Variants in PRRG1 observed in about 807,000 individuals in gnomAD.
PRRG1 encodes proline rich and Gla domain 1, also known as transmembrane gamma-carboxyglutamic acid protein 1.
In PRRG1, 5 loss-of-function variants were observed where a neutral mutation model predicts 11.8. The observed-to-expected ratio is 0.42, with a 90% confidence interval of 0.22 to 0.89. The LOEUF (loss-of-function observed/expected upper bound fraction) is 0.89. PRRG1 is among the 40% of genes least tolerant of loss of function. The pLI is 0.28. For missense variants in PRRG1, 155 were observed against 166.1 expected, an observed-to-expected ratio of 0.93 and a Z score of 0.37; for synonymous variants, 66 against 60.4, an observed-to-expected ratio of 1.09 and a Z score of -0.43.
chrX:37,422,404 G>A (rs1932686146), intron 2 of PRRG1, among the ~76,000 whole-genome samples: 1 of 111,685 alleles, frequency 9.0e-6, no homozygotes, highest in Non-Finnish European at 1.9e-5. Flanking sequence ...ACTGTATTTT[G>A]AGAGGAAGAT....
intron 1 of PRRG1, among the ~76,000 whole-genome samples, chrX:37,391,749 A>G (rs1466590196): frequency 8.9e-6 from 1 of 112,116 alleles, no homozygotes; most frequent in Non-Finnish European, 1.9e-5. Context: ...TTTATAGGGC[A>G]TCTAGATTGT....
At chrX:37,373,886 A>G (rs1036623585) in intron 1 of PRRG1, among the ~76,000 whole-genome samples, 12 of 111,802 alleles carry the variant, frequency 1.1e-4, no homozygotes, top group African/African-American at 3.9e-4. Context: ...ACTTTTCATC[A>G]CTGAGTATGC....
intron 1 of PRRG1, among the ~76,000 whole-genome samples, chrX:37,383,271 C>CA (rs782664578): frequency 1.8e-5 from 2 of 111,590 alleles, no homozygotes; most frequent in Admixed American, 9.4e-5. Flanking sequence ...TTTGTTGAGA[C>CA]AAATTTCCTT....
intron 2 of PRRG1, among the ~76,000 whole-genome samples, chrX:37,415,137 G>A (rs931449216): frequency 9.8e-5 from 11 of 112,221 alleles, no homozygotes; most frequent in African/African-American, 3.6e-4. Flanking sequence ...AGCCAGACGC[G>A]GTGGCTCACG....
intron 2 of PRRG1, among the ~76,000 whole-genome samples, chrX:37,422,955 A>C (rs1376052663): frequency 9.0e-6 from 1 of 111,326 alleles, no homozygotes; most frequent in Non-Finnish European, 1.9e-5. Context: ...ATGAAAAAAA[A>C]TTAACTATAA....
At chrX:37,427,281 T>A (rs1316515709) in intron 3 of PRRG1, among the ~76,000 whole-genome samples, 24 of 111,995 alleles carry the variant, frequency 2.1e-4, no homozygotes, top group African/African-American at 7.1e-4. Flanking sequence ...ACAAAAAAAA[T>A]TTATTGAGTT....
At chrX:37,448,805 A>C (rs1222891791) in intron 3 of PRRG1, among the ~76,000 whole-genome samples, 1 of 111,587 alleles carries the variant, frequency 9.0e-6, no homozygotes, top group East Asian at 2.8e-4. Context: ...CTTTTAAGAT[A>C]CTTTTTAAAG....
chrX:37,406,951 C>T (rs1001206092), intron 2 of PRRG1, among the ~76,000 whole-genome samples: 6 of 111,893 alleles, frequency 5.4e-5, no homozygotes, highest in African/African-American at 1.9e-4. Flanking sequence ...AGGTTGAGGA[C>T]GGACTCCAAA....
chrX:37,383,463 T>C (rs1239838050), intron 1 of PRRG1, among the ~76,000 whole-genome samples: 1 of 111,398 alleles, frequency 9.0e-6, no homozygotes, highest in South Asian at 3.7e-4. Context: ...TAATGTGATA[T>C]TCTTAAACAT....
intron 1 of PRRG1, among the ~76,000 whole-genome samples, chrX:37,374,753 T>C (rs1930882753): frequency 8.9e-6 from 1 of 111,828 alleles, no homozygotes; most frequent in Non-Finnish European, 1.9e-5. Flanking sequence ...CCTTTATTTC[T>C]CTGCTGAGGC....
chrX:37,379,442 A>T (rs782701792), intron 1 of PRRG1, among the ~76,000 whole-genome samples: 1 of 110,827 alleles, frequency 9.0e-6, no homozygotes. Flanking sequence ...ACATAGGTAG[A>T]TATATGTTTA....
intron 2 of PRRG1, among the ~76,000 whole-genome samples, chrX:37,422,419 C>T (rs1315777054): frequency 9.0e-6 from 1 of 111,587 alleles, no homozygotes; most frequent in African/African-American, 3.3e-5. Flanking sequence ...GAAGATGATG[C>T]AGACTCAAAT....
chrX:37,444,265 T>C (rs782205662), intron 3 of PRRG1, among the ~76,000 whole-genome samples: 1 of 111,767 alleles, frequency 8.9e-6, no homozygotes, highest in South Asian at 3.8e-4. Context: ...CTCCTAGATA[T>C]GAGGAAGAAC....
chrX:37,376,551 G>GTGTATATATATATATATATATATATA (rs1556372318), intron 1 of PRRG1, among the ~76,000 whole-genome samples: 9 of 26,924 alleles, frequency 3.3e-4, no homozygotes, highest in South Asian at 2.5e-3. Flanking sequence ...AAATGTGAGT[G>GTGTATATATATATATATATATATATA]TATATATATA....
chrX:37,412,424 C>G (rs1053359197), intron 2 of PRRG1, among the ~76,000 whole-genome samples: 10 of 110,103 alleles, frequency 9.1e-5, no homozygotes, highest in Non-Finnish European at 1.1e-4. Context: ...CTGACAAGCC[C>G]TGTAAAGTAA....
chrX:37,387,655 A>G (rs1416437473), intron 1 of PRRG1, among the ~76,000 whole-genome samples: 1 of 111,326 alleles, frequency 9.0e-6, no homozygotes, highest in Non-Finnish European at 1.9e-5. Flanking sequence ...AACTGACCCC[A>G]TGATCCAATC....
chrX:37,388,701 G>A (rs1931418014), intron 1 of PRRG1, among the ~76,000 whole-genome samples: 2 of 113,117 alleles, frequency 1.8e-5, no homozygotes, highest in Non-Finnish European at 3.7e-5. Flanking sequence ...CCTGTGATAG[G>A]AGGGGCTGCC....
intron 1 of PRRG1, among the ~76,000 whole-genome samples, chrX:37,354,282 A>G (rs902430228): frequency 7.1e-5 from 8 of 112,142 alleles, no homozygotes; most frequent in Non-Finnish European, 1.5e-4. Context: ...GCATTCAGAC[A>G]GGTTGGTGGA....
At chrX:37,392,199 T>A (rs1931561449) in intron 1 of PRRG1, among the ~76,000 whole-genome samples, 1 of 111,730 alleles carries the variant, frequency 9.0e-6, no homozygotes, top group Non-Finnish European at 1.9e-5. Context: ...ATAAATAAAG[T>A]TTTTATTAAA....
Sources: gnomAD v4.1 joint callset for allele counts (sites outside exome capture counted in the v4.1 genomes callset) on GRCh38, gnomAD v4.1.1 for gene constraint, MANE v1.5 for transcripts, NCBI Gene and HGNC (gene_info 2026-07-23, HGNC 2026-07-21) for gene names.